Variants in BRAF observed in about 807,000 individuals in gnomAD.
BRAF encodes the protein serine/threonine-protein kinase B-raf.
A neutral mutation model predicts 104.6 loss-of-function variants in BRAF; 16 were observed. The observed-to-expected ratio is 0.15, with a 90% CI of 0.10 to 0.23. The LOEUF is 0.23. Ranked by LOEUF, BRAF falls within the 10% of genes least tolerant of loss-of-function variation. The pLI, the probability that BRAF is intolerant of heterozygous loss-of-function variation, is 1.00. For synonymous variants in BRAF, 310 were observed against 341.6 expected (o/e 0.91, Z 1.02); for missense variants, 541 against 937.3 (o/e 0.58, Z 5.52).
intron 11 of BRAF, among the ~76,000 whole-genome samples, chr7:140,782,646 G>C (rs1800993944): frequency 2.6e-5 from 4 of 152,104 alleles, no homozygotes; most frequent in Admixed American, 2.6e-4. Context: ...ATGTGCCATG[G>C]TGGATTCATT....
rs58889551 is a variant in BRAF, at chr7:140,770,696, G to A, written c.1814+6216C>T. 9.9e-5 allele frequency among the ~76,000 whole-genome samples: 15 copies of A among 152,184 alleles called. 1 individual carries two copies. In the East Asian group the frequency reaches 2.7e-3, roughly 27 times the overall value. On this transcript the variant is annotated intron_variant, in intron 14 of 19. Transcript: ENST00000644969. The stretch of plus-strand genomic sequence containing the variant: ...CACGCCTGTAATCCCAGCACTTTGG[G>A]AGGCCGAGGCGGGCAGATCACTTGA...
chr7:140,839,678 C>G (rs1237882012), intron 2 of BRAF, among the ~76,000 whole-genome samples: 1 of 151,920 alleles, frequency 6.6e-6, no homozygotes, highest in Non-Finnish European at 1.5e-5. Flanking sequence ...TGCAATGAGC[C>G]GAGATCATGC....
At chr7:140,736,240 T>C (rs993380068) in intron 18 of BRAF, among the ~76,000 whole-genome samples, 1 of 150,162 alleles carries the variant, frequency 6.7e-6, no homozygotes, top group African/African-American at 2.5e-5. Context: ...CCGGATAATT[T>C]TGTATTTTTA....
chr7:140,744,665 A>C (rs1466604344), intron 17 of BRAF, among the ~76,000 whole-genome samples: 1 of 152,190 alleles, frequency 6.6e-6, no homozygotes, highest in Non-Finnish European at 1.5e-5. Flanking sequence ...ATATGGAAAG[A>C]ATCAATACTA....
intron 1 of BRAF, among the ~76,000 whole-genome samples, chr7:140,903,015 C>G (rs577414151): frequency 6.6e-6 from 1 of 151,140 alleles, no homozygotes; most frequent in East Asian, 1.9e-4. Context: ...ACCTCTGCCT[C>G]CCGGGTTCAA....
intron 1 of BRAF, among the ~76,000 whole-genome samples, chr7:140,893,967 A>C (rs1814575012): frequency 6.6e-6 from 1 of 152,114 alleles, no homozygotes; most frequent in Admixed American, 6.6e-5. Flanking sequence ...CCCTGCCTCT[A>C]CAAAAAAATG....
At chr7:140,778,979 T>A (rs1192185945) in intron 12 of BRAF, among the ~76,000 whole-genome samples, 1 of 152,152 alleles carries the variant, frequency 6.6e-6, no homozygotes, top group African/African-American at 2.4e-5. Flanking sequence ...CTGGAAACGA[T>A]CCAATTGCAA....
Position 140,801,578 on chromosome 7 carries a change from A to T in BRAF, c.712-18T>A. The T allele has an allele frequency of 6.2e-7, 1 of 1,607,858 alleles. No individual in the cohort carries two copies. The highest frequency in any genetic ancestry group is 8.5e-7 in the Non-Finnish European group (1 of 1,176,766). ...TTTCGTACCTGCAAAGTAAAAAATCACAGAGATTTCAAAAACTCACAAGAA... is the reference window on the plus strand; with the variant it reads ...TTTCGTACCTGCAAAGTAAAAAATCTCAGAGATTTCAAAAACTCACAAGAA... On this transcript the variant is annotated intron_variant, in intron 5 of 19. Transcript: ENST00000644969.
rs1276663475 is a variant in BRAF, at chr7:140,803,572, A to AT, written c.712-2013dup. On this transcript the variant is annotated intron_variant, in intron 5 of 19. Transcript: ENST00000644969. Reference sequence around the variant, plus strand: ...AATCACCTAAAAGACAATAAGATCTATTTTTTCTAACAAATGATCAATTTC... The same window carrying AT: ...AATCACCTAAAAGACAATAAGATCTATTTTTTTCTAACAAATGATCAATTTC... 3.3e-5 allele frequency among the ~76,000 whole-genome samples: 5 copies of AT among 152,232 alleles called. No individual in the cohort carries two copies. In the South Asian group the frequency reaches 8.3e-4, roughly 25 times the overall value.
intron 17 of BRAF, 140 bp downstream of exon 16, chr7:140,749,147 T>C: frequency 8.6e-7 from 1 of 1,158,922 alleles, no homozygotes; most frequent in Non-Finnish European, 1.2e-6. Context: ...GCCAAAAGTA[T>C]ACAAACGATT....
Position 140,726,425 on chromosome 7 carries a change from GTT to G in BRAF, c.*67_*68del. ...AAAAAGATTTGAGGAACAGAACTGTGTTTTGATGTTAACAAATTGTACGAACA... is the reference window on the plus strand; with the variant it reads ...AAAAAGATTTGAGGAACAGAACTGTGTTGATGTTAACAAATTGTACGAACA... On this transcript the variant is annotated 3_prime_UTR_variant, in exon 20 of 20. Coordinates refer to ENST00000644969, the MANE Select transcript of BRAF (RefSeq NM_001374258.1). The G allele has an allele frequency of 6.5e-7, 1 of 1,531,498 alleles. No individual in the cohort carries two copies. Among genetic ancestry groups the G allele is most frequent in the Non-Finnish European group, 8.7e-7 (1 of 1,145,776 alleles). 94.9% of individuals were successfully genotyped at this position (1,531,498 alleles called of 1,614,324 possible).
Position 140,719,367 on chromosome 7 carries a change from T to C in BRAF, c.*7127A>G. 1.0e-6 allele frequency: 1 copy of C among 1,000,578 alleles called. No individual in the cohort carries two copies. The highest frequency in any genetic ancestry group is 1.2e-6 in the Non-Finnish European group (1 of 831,896). The allele number at this position is 1,000,578 out of a possible 1,614,324, so 62.0% of individuals were successfully genotyped here. ...GCAGTCAATCTTTATTATAGCAGTA[T>C]TCGCATATTCACATCAAGTACATAG... is the stretch of plus-strand genomic sequence containing the variant. On this transcript the variant is annotated 3_prime_UTR_variant, in exon 20 of 20. Transcript: ENST00000644969.
intron 1 of BRAF, among the ~76,000 whole-genome samples, chr7:140,910,862 G>A (rs530724945): frequency 1.2e-3 from 178 of 151,928 alleles, no homozygotes; most frequent in Middle Eastern, 6.8e-3. Flanking sequence ...ACAGGGGCTC[G>A]CTATGTTGCC....
intron 19 of BRAF, among the ~76,000 whole-genome samples, chr7:140,729,245 T>C (rs142588881): frequency 8.1e-4 from 123 of 151,240 alleles, no homozygotes; most frequent in African/African-American, 2.8e-3. Context: ...CAAAACAAAA[T>C]ACACACACAC....
chr7:140,919,822 G>GTTTTT (rs796957025), intron 1 of BRAF, among the ~76,000 whole-genome samples: 2 of 121,092 alleles, frequency 1.7e-5, no homozygotes, highest in African/African-American at 5.0e-5. Context: ...CTACAAGCAA[G>GTTTTT]TTTTTTTGTT....
At chr7:140,734,251 T>G in intron 19 of BRAF, 1 of 1,211,452 alleles carries the variant, frequency 8.3e-7, no homozygotes, top group South Asian at 2.2e-5. Context: ...GAGTCCCTAG[T>G]GGACATGTGA....
chr7:140,736,584 C>A (rs1240558907), intron 18 of BRAF, among the ~76,000 whole-genome samples: 1 of 151,856 alleles, frequency 6.6e-6, no homozygotes, highest in Non-Finnish European at 1.5e-5. Context: ...TGTGCCACCA[C>A]GCCTGGCTAA....
chr7:140,721,242 TTAAA>T lies in BRAF; in HGVS notation c.*5248_*5251del. ...AACTTAACAGTTGAAGTTGTGGATG[TTAAA>T]TAAAAGTACTTTAGTCACTCATTGA... On this transcript the variant is annotated 3_prime_UTR_variant, in exon 20 of 20. Coordinates refer to ENST00000644969, the MANE Select transcript of BRAF (RefSeq NM_001374258.1). 9.1e-7 allele frequency: 1 copy of T among 1,104,342 alleles called. No individual in the cohort carries two copies. Among genetic ancestry groups the T allele is most frequent in the African/African-American group, 1.6e-5 (1 of 62,308 alleles). 68.4% of individuals were successfully genotyped at this position (1,104,342 alleles called of 1,614,324 possible).
At position 140,726,084 on chromosome 7, in the gene BRAF, T is replaced by C; in HGVS notation, c.*410A>G. On this transcript the variant is annotated 3_prime_UTR_variant, in exon 20 of 20. Coordinates refer to ENST00000644969, the MANE Select transcript of BRAF (RefSeq NM_001374258.1). ...GAGAACGATGCTTGGTGATTGAAAC[T>C]GCCCCATCAGATGATCAGCCACAAA... The C allele has an allele frequency of 9.2e-7, 1 of 1,085,920 alleles. No homozygotes were observed. The highest frequency in any genetic ancestry group is 1.1e-6 in the Non-Finnish European group (1 of 893,142). The allele number at this position is 1,085,920 out of a possible 1,614,324, so 67.3% of individuals were successfully genotyped here. A position where few individuals can be genotyped will look rare whatever the true frequency, so the allele number is the denominator to read the frequency against.
Sources: allele counts gnomAD v4.1 joint callset (sites outside exome capture counted in the v4.1 genomes callset), GRCh38; gene constraint gnomAD v4.1.1; transcripts MANE v1.5; gene names NCBI Gene and HGNC (gene_info 2026-07-23, HGNC 2026-07-21).